ATRNL1: variants seen among roughly 807,000 people sequenced by gnomAD.
ATRNL1 encodes attractin-like protein 1.
In ATRNL1, 95 loss-of-function variants were observed where a neutral mutation model predicts 182.7. The ratio of observed to expected loss-of-function variants is 0.52; its 90% confidence interval spans 0.44 to 0.62. The LOEUF (loss-of-function observed/expected upper bound fraction) is 0.62, where lower values mean the gene tolerates loss of function less well. Among genes scored for constraint, ATRNL1 ranks in the 20% least tolerant of loss-of-function variants. ATRNL1 has a pLI of 0.00. For missense variants in ATRNL1, 1,471 were observed against 1,679.5 expected, an observed-to-expected ratio of 0.88 and a Z score of 2.17; for synonymous variants, 576 against 568.3, an observed-to-expected ratio of 1.01 and a Z score of -0.19.
intron 27 of ATRNL1, among the ~76,000 whole-genome samples, chr10:115,737,355 G>A (rs539958378): frequency 8.6e-5 from 13 of 151,302 alleles, no homozygotes; most frequent in African/African-American, 2.9e-4. Flanking sequence ...AGAAGTGCAT[G>A]AGCCCGGGAG....
At position 115,335,592 on chromosome 10, in the gene ATRNL1, C is replaced by G. The variant is rs533604542; in HGVS notation, c.3175+1173C>G. Reference sequence around the variant, plus strand: ...AGTCAACAAAATTGTGCAGCTAATACAGTTGTACCTTGGTATCCATGCGGA... The same window carrying G: ...AGTCAACAAAATTGTGCAGCTAATAGAGTTGTACCTTGGTATCCATGCGGA... On this transcript the variant is annotated intron_variant, in intron 19 of 28. Coordinates refer to ENST00000355044, the MANE Select transcript of ATRNL1 (RefSeq NM_207303.4). Among the ~76,000 whole-genome samples, 3 of 152,322 alleles carry G rather than the reference C, an allele frequency of 2.0e-5. 1 individual carries two copies. In the South Asian group the frequency reaches 6.2e-4, roughly 32 times the overall value.
rs555694015 is a variant in ATRNL1, at chr10:115,286,460, T to A, written c.2415+63T>A. The stretch of plus-strand genomic sequence containing the variant: ...ATGATAATTTCATAATTATTTGAAA[T>A]TTTTTTTTGGTTTTAATACATTATT... On this transcript the variant is annotated intron_variant, in intron 15 of 28. Coordinates refer to ENST00000355044, the MANE Select transcript of ATRNL1 (RefSeq NM_207303.4). 2.1e-4 allele frequency: 223 copies of A among 1,052,228 alleles called. 3 individuals are homozygous for A. The highest frequency in any genetic ancestry group is 1.8e-3 in the South Asian group (73 of 41,116). The allele number at this position is 1,052,228 out of a possible 1,614,324, so 65.2% of individuals were successfully genotyped here. A position where few individuals can be genotyped will look rare whatever the true frequency, so the allele number is the denominator to read the frequency against.
intron 13 of ATRNL1, among the ~76,000 whole-genome samples, chr10:115,268,866 C>T (rs1403433685): frequency 6.6e-6 from 1 of 152,108 alleles, no homozygotes; most frequent in Non-Finnish European, 1.5e-5. Context: ...GTAAGTTTAA[C>T]CTGAGTTTTT....
chr10:115,733,972 G>A (rs1306449327), intron 27 of ATRNL1, among the ~76,000 whole-genome samples: 1 of 151,842 alleles, frequency 6.6e-6, no homozygotes, highest in Non-Finnish European at 1.5e-5. Context: ...TTACAAAATT[G>A]AGAGCATATT....
At chr10:115,709,051 T>C (rs2134012926) in intron 26 of ATRNL1, among the ~76,000 whole-genome samples, 1 of 151,994 alleles carries the variant, frequency 6.6e-6, no homozygotes, top group Middle Eastern at 3.4e-3. Context: ...AATAATAATT[T>C]ATGCTATATT....
intron 8 of ATRNL1, among the ~76,000 whole-genome samples, chr10:115,197,322 G>C (rs1848400173): frequency 6.6e-6 from 1 of 151,918 alleles, no homozygotes; most frequent in Admixed American, 6.6e-5. Context: ...AGAGATATTA[G>C]AGTATGTATT....
chr10:115,926,550 T>C (rs1953239921), intron 28 of ATRNL1, among the ~76,000 whole-genome samples: 1 of 151,924 alleles, frequency 6.6e-6, no homozygotes, highest in Non-Finnish European at 1.5e-5. Flanking sequence ...AAGAATCTAA[T>C]AGACACAATA....
At chr10:115,598,654 C>A (rs1452331569) in intron 26 of ATRNL1, among the ~76,000 whole-genome samples, 1 of 151,950 alleles carries the variant, frequency 6.6e-6, no homozygotes, top group Non-Finnish European at 1.5e-5. Context: ...TAATGAAAAA[C>A]CCATTCCTAT....
chr10:115,301,688 T>G (rs1447783369), intron 16 of ATRNL1, among the ~76,000 whole-genome samples, 167 bp from the exon 17 acceptor site: 1 of 152,352 alleles, frequency 6.6e-6, no homozygotes, highest in African/African-American at 2.4e-5. Context: ...AATAAAAATT[T>G]TAAGAAGTAT....
intron 13 of ATRNL1, among the ~76,000 whole-genome samples, chr10:115,279,600 C>T (rs1472843023): frequency 6.6e-6 from 1 of 152,156 alleles, no homozygotes; most frequent in East Asian, 1.9e-4. Context: ...CCAATTTCTG[C>T]TATAGTAGCT....
chr10:115,450,645 A>G lies in ATRNL1; in HGVS notation c.3323-11296A>G, dbSNP rs1414356141. 2.0e-5 allele frequency among the ~76,000 whole-genome samples: 3 copies of G among 152,216 alleles called. No individual in the cohort carries two copies. In the East Asian group the frequency reaches 5.8e-4, roughly 29 times the overall value. On this transcript the variant is annotated intron_variant, in intron 21 of 28. Coordinates refer to ENST00000355044, the MANE Select transcript of ATRNL1 (RefSeq NM_207303.4). Reference sequence around the variant, plus strand: ...AAGAGAAGACACAGACAAATGGAAAAACATCCAGACTCATGGATAGGAACT... The same window carrying G: ...AAGAGAAGACACAGACAAATGGAAAGACATCCAGACTCATGGATAGGAACT...
chr10:115,107,590 T>C (rs1372807560), intron 1 of ATRNL1, among the ~76,000 whole-genome samples: 3 of 152,160 alleles, frequency 2.0e-5, no homozygotes, highest in Non-Finnish European at 4.4e-5. Context: ...ACTCTATAGT[T>C]CTGAGGTCTC....
intron 26 of ATRNL1, among the ~76,000 whole-genome samples, chr10:115,686,014 G>A (rs1057290394): frequency 7.9e-5 from 12 of 151,516 alleles, no homozygotes; most frequent in African/African-American, 2.9e-4. Context: ...TAGAGCTCTA[G>A]AAACTTCTAC....
intron 19 of ATRNL1, among the ~76,000 whole-genome samples, chr10:115,337,868 G>T (rs1855567040): frequency 6.6e-6 from 1 of 152,114 alleles, no homozygotes; most frequent in Non-Finnish European, 1.5e-5. Context: ...ATGGGGTGGT[G>T]GTGGGGTATA....
chr10:115,778,572 G>A (rs905832581), intron 27 of ATRNL1, among the ~76,000 whole-genome samples: 14 of 152,198 alleles, frequency 9.2e-5, no homozygotes, highest in South Asian at 2.1e-4. Context: ...TCATATGCAT[G>A]ACATCGAATA....
intron 28 of ATRNL1, among the ~76,000 whole-genome samples, chr10:115,880,969 G>A (rs190570731): frequency 5.3e-5 from 8 of 152,266 alleles, no homozygotes; most frequent in African/African-American, 1.9e-4. Context: ...TTAACATTCT[G>A]TGAGTGTCTG....
chr10:115,368,940 CT>C (rs1323651074), intron 19 of ATRNL1, among the ~76,000 whole-genome samples: 9 of 152,104 alleles, frequency 5.9e-5, no homozygotes, highest in African/African-American at 2.2e-4. Context: ...TCTTGAACTC[CT>C]GACCTCAGGT....
intron 27 of ATRNL1, among the ~76,000 whole-genome samples, chr10:115,828,751 A>G (rs1250937321): frequency 6.6e-6 from 1 of 152,216 alleles, no homozygotes; most frequent in African/African-American, 2.4e-5. Flanking sequence ...ATAATAGTCT[A>G]TTAAATGGCT....
At chr10:115,453,320 T>C (rs1309921613) in intron 21 of ATRNL1, among the ~76,000 whole-genome samples, 2 of 144,616 alleles carry the variant, frequency 1.4e-5, no homozygotes, top group African/African-American at 2.4e-5. Context: ...ATAAACAGTA[T>C]ACAAGAGTTT....
Sources: allele counts gnomAD v4.1 joint callset (sites outside exome capture counted in the v4.1 genomes callset), GRCh38; gene constraint gnomAD v4.1.1; transcripts MANE v1.5; gene names NCBI Gene and HGNC (gene_info 2026-07-23, HGNC 2026-07-21).